The following GALNT17 variants were observed in gnomAD, a reference collection of about 807,000 sequenced individuals.
GALNT17 encodes polypeptide N-acetylgalactosaminyltransferase 17, also known as UDP-GalNAc:polypeptide N-acetylgalactosaminyltransferase-like 3.
A neutral mutation model predicts 63.7 loss-of-function variants in GALNT17; 29 were observed. The ratio of observed to expected loss-of-function variants is 0.46; its 90% CI spans 0.34 to 0.62. The LOEUF (loss-of-function observed/expected upper bound fraction) is 0.62, where lower values mean the gene tolerates loss of function less well. Ranked by LOEUF, GALNT17 falls within the 20% of genes least tolerant of loss-of-function variation. The pLI, the probability that GALNT17 is intolerant of heterozygous loss-of-function variation, is 0.01. For synonymous variants in GALNT17, 305 were observed against 318.3 expected, an observed-to-expected ratio of 0.96 and a Z score of 0.45; for missense variants, 603 against 799.6, an observed-to-expected ratio of 0.75 and a Z score of 2.97.
intron 1 of GALNT17, among the ~76,000 whole-genome samples, chr7:71,285,556 G>T (rs1790858254): frequency 6.6e-6 from 1 of 152,198 alleles, no homozygotes; most frequent in African/African-American, 2.4e-5. Flanking sequence ...TGTTGAAATT[G>T]TAACCTCCAC....
chr7:71,312,751 T>A (rs1222982550), intron 1 of GALNT17, among the ~76,000 whole-genome samples: 1 of 152,212 alleles, frequency 6.6e-6, no homozygotes, highest in Non-Finnish European at 1.5e-5. Context: ...TCATCTCCAA[T>A]ATGTTTACAT....
At chr7:71,546,494 GAGAC>G (rs1272268525) in intron 5 of GALNT17, among the ~76,000 whole-genome samples, 1 of 152,136 alleles carries the variant, frequency 6.6e-6, no homozygotes, top group Non-Finnish European at 1.5e-5. Flanking sequence ...CGCTCAAGAA[GAGAC>G]AGACAGGTTT....
At chr7:71,266,130 C>T (rs1363718127) in intron 1 of GALNT17, among the ~76,000 whole-genome samples, 1 of 152,118 alleles carries the variant, frequency 6.6e-6, no homozygotes, top group African/African-American at 2.4e-5. Flanking sequence ...GACTTTGTTA[C>T]TTTGATCCTC....
At chr7:71,609,436 T>C (rs1225716947) in intron 6 of GALNT17, among the ~76,000 whole-genome samples, 3 of 152,184 alleles carry the variant, frequency 2.0e-5, no homozygotes, top group Non-Finnish European at 4.4e-5. Flanking sequence ...GAATGGGAGT[T>C]GCAACAAGAA....
intron 1 of GALNT17, among the ~76,000 whole-genome samples, chr7:71,177,883 A>G (rs1788667570): frequency 6.6e-6 from 1 of 152,162 alleles, no homozygotes. Context: ...ATCTATATAT[A>G]TTTATGTTAA....
At chr7:71,580,406 T>TAGAC (rs766369492) in intron 6 of GALNT17, among the ~76,000 whole-genome samples, 3 of 136,660 alleles carry the variant, frequency 2.2e-5, no homozygotes, top group African/African-American at 8.7e-5. Context: ...GGATGATAGA[T>TAGAC]AGATAGATAG....
intron 5 of GALNT17, among the ~76,000 whole-genome samples, chr7:71,507,858 G>A (rs1245950621): frequency 6.6e-6 from 1 of 152,164 alleles, no homozygotes; most frequent in Admixed American, 6.5e-5. Context: ...AGGATTTCAA[G>A]TTCCCCACGC....
At chr7:71,324,085 A>C (rs1362748621) in intron 1 of GALNT17, among the ~76,000 whole-genome samples, 2 of 152,222 alleles carry the variant, frequency 1.3e-5, no homozygotes, top group Admixed American at 6.5e-5. Context: ...CCTTAAACAA[A>C]GGAAACAGCA....
intron 5 of GALNT17, among the ~76,000 whole-genome samples, chr7:71,552,024 T>G (rs1228408907): frequency 1.4e-5 from 2 of 147,352 alleles, no homozygotes; most frequent in South Asian, 4.4e-4. Context: ...ATTTATTTAT[T>G]TATTTATTTA....
chr7:71,161,550 C>T (rs998277665), intron 1 of GALNT17, among the ~76,000 whole-genome samples: 1 of 152,048 alleles, frequency 6.6e-6, no homozygotes, highest in African/African-American at 2.4e-5. Context: ...ATGGGCAGGG[C>T]AGGTTTTACA....
intron 5 of GALNT17, among the ~76,000 whole-genome samples, chr7:71,455,413 C>T (rs902324449): frequency 1.3e-5 from 2 of 151,970 alleles, no homozygotes; most frequent in Admixed American, 6.6e-5. Flanking sequence ...TCCTCTTTGC[C>T]AGGTGGGGTC....
intron 3 of GALNT17, among the ~76,000 whole-genome samples, chr7:71,410,002 C>A (rs1244030068): frequency 2.6e-5 from 4 of 152,108 alleles, no homozygotes; most frequent in Non-Finnish European, 5.9e-5. Context: ...CTGATGTCAG[C>A]AGTTTCATTG....
intron 1 of GALNT17, among the ~76,000 whole-genome samples, chr7:71,205,035 C>T (rs1159677777): frequency 6.6e-6 from 1 of 151,710 alleles, no homozygotes; most frequent in Non-Finnish European, 1.5e-5. Flanking sequence ...TTTTCATTTA[C>T]TTGTGTCTTC....
At chr7:71,650,140 A>G (rs1435908928) in intron 6 of GALNT17, among the ~76,000 whole-genome samples, 1 of 152,218 alleles carries the variant, frequency 6.6e-6, no homozygotes, top group Admixed American at 6.5e-5. Context: ...GTAATTGGGA[A>G]TGCCTTTTAT....
chr7:71,343,311 T>G (rs1792037938), intron 2 of GALNT17, among the ~76,000 whole-genome samples: 1 of 152,242 alleles, frequency 6.6e-6, no homozygotes, highest in African/African-American at 2.4e-5. Flanking sequence ...CACAAGTTTT[T>G]AAGAAGCTTT....
chr7:71,670,166 G>T, intron 8 of GALNT17, 57 bp downstream of exon 8: 1 of 1,608,030 alleles, frequency 6.2e-7, no homozygotes, highest in Non-Finnish European at 8.5e-7. Context: ...GCTGTGGGTT[G>T]CTTCGCTGGG....
At chr7:71,672,938 CAT>C (rs1791092219) in intron 8 of GALNT17, among the ~76,000 whole-genome samples, 1 of 152,112 alleles carries the variant, frequency 6.6e-6, no homozygotes, top group Admixed American at 6.6e-5. Flanking sequence ...ATGAAAAACA[CAT>C]GACAATTTTA....
intron 5 of GALNT17, among the ~76,000 whole-genome samples, chr7:71,521,403 T>C (rs1308635005): frequency 1.3e-5 from 2 of 152,182 alleles, no homozygotes; most frequent in East Asian, 1.9e-4. Context: ...CTTTCCTTCA[T>C]CTACCATTCG....
At chr7:71,154,036 C>T (rs916402288) in intron 1 of GALNT17, among the ~76,000 whole-genome samples, 6 of 152,162 alleles carry the variant, frequency 3.9e-5, no homozygotes, top group Admixed American at 2.0e-4. Context: ...CGCTGGCCTC[C>T]GTGACTTGCT....
Sources: allele counts gnomAD v4.1 joint callset (sites outside exome capture counted in the v4.1 genomes callset), GRCh38; gene constraint gnomAD v4.1.1; transcripts MANE v1.5; gene names NCBI Gene and HGNC (gene_info 2026-07-23, HGNC 2026-07-21).